Variants in GRID2 observed in about 807,000 individuals in gnomAD.
GRID2 encodes glutamate receptor ionotropic, delta-2.
In GRID2, 33 loss-of-function variants were observed where a neutral mutation model predicts 114.8. The ratio of observed to expected loss-of-function variants is 0.29; its 90% CI spans 0.22 to 0.38. GRID2 has a LOEUF of 0.38. GRID2 is among the 10% of genes least tolerant of loss of function. The pLI is 1.00. For synonymous variants in GRID2, 505 were observed against 449.9 expected, an observed-to-expected ratio of 1.12 and a Z score of -1.55; for missense variants, 1,184 against 1,257.7, an observed-to-expected ratio of 0.94 and a Z score of 0.89.
chr4:92,504,869 A>G (rs963088640), intron 1 of GRID2, among the ~76,000 whole-genome samples: 1 of 152,088 alleles, frequency 6.6e-6, no homozygotes, highest in African/African-American at 2.4e-5. Flanking sequence ...GTGCATCTAC[A>G]TGAGCCAATA....
At chr4:92,634,971 A>G (rs1730999572) in intron 2 of GRID2, among the ~76,000 whole-genome samples, 2 of 151,950 alleles carry the variant, frequency 1.3e-5, no homozygotes, top group African/African-American at 2.4e-5. Context: ...GCTTTCCCCA[A>G]ACTGCATTGC....
At chr4:92,763,676 G>A (rs956860832) in intron 2 of GRID2, among the ~76,000 whole-genome samples, 4 of 152,154 alleles carry the variant, frequency 2.6e-5, no homozygotes, top group African/African-American at 9.7e-5. Context: ...GATGATCATA[G>A]AATGCACTTT....
In GRID2 at chr4:93,139,464, G is replaced by C; in HGVS notation, c.735+28511G>C. 1.3e-5 allele frequency among the ~76,000 whole-genome samples: 2 copies of C among 152,162 alleles called. 1 individual carries two copies. The highest frequency in any genetic ancestry group is 3.9e-4 in the East Asian group (2 of 5,186). On this transcript the variant is annotated intron_variant, in intron 4 of 15. Coordinates refer to ENST00000282020, the MANE Select transcript of GRID2 (RefSeq NM_001510.4). ...GGGGGATGATGGAGGTAGATCTGGA[G>C]AGCTAATAGAAAGTTTCCTAAAACA... is the stretch of plus-strand genomic sequence containing the variant.
At chr4:93,440,598 A>C (rs746545473) in intron 10 of GRID2, among the ~76,000 whole-genome samples, 2 of 152,134 alleles carry the variant, frequency 1.3e-5, no homozygotes, top group Admixed American at 6.6e-5. Flanking sequence ...TAAAATATAG[A>C]TATGGGAGAT....
At chr4:93,676,700 A>G (rs1724889895) in intron 14 of GRID2, among the ~76,000 whole-genome samples, 1 of 151,294 alleles carries the variant, frequency 6.6e-6, no homozygotes, top group African/African-American at 2.4e-5. Context: ...TTGTGCACAT[A>G]TACCCTAAAA....
chr4:92,555,633 G>A (rs1222822584), intron 1 of GRID2, among the ~76,000 whole-genome samples: 1 of 152,036 alleles, frequency 6.6e-6, no homozygotes, highest in Admixed American at 6.6e-5. Flanking sequence ...GCATGTTCTC[G>A]AGGCTTTTTA....
In GRID2 at chr4:93,307,031, A is replaced by G. The variant is rs368342961; in HGVS notation, c.1245+68541A>G. Reference sequence around the variant, plus strand: ...GCCAACATGATGAAAGCCCGTCTCTACTAAAAATACAAAAATTAGCTGGGC... The same window carrying G: ...GCCAACATGATGAAAGCCCGTCTCTGCTAAAAATACAAAAATTAGCTGGGC... On this transcript the variant is annotated intron_variant, in intron 8 of 15. Transcript: ENST00000282020. Among the ~76,000 whole-genome samples, 183 of 152,112 alleles carry G rather than the reference A, an allele frequency of 1.2e-3. 3 individuals carry two copies. The highest frequency in any genetic ancestry group is 4.4e-3 in the African/African-American group (181 of 41,508).
intron 1 of GRID2, among the ~76,000 whole-genome samples, chr4:92,400,814 A>G (rs1035381456): frequency 6.6e-6 from 1 of 152,122 alleles, no homozygotes; most frequent in Non-Finnish European, 1.5e-5. Context: ...GTGGTGTCCA[A>G]TTGAAGTTTT....
intron 3 of GRID2, among the ~76,000 whole-genome samples, chr4:93,086,322 A>G (rs1730323009): frequency 6.6e-6 from 1 of 152,220 alleles, no homozygotes; most frequent in African/African-American, 2.4e-5. Flanking sequence ...ATCTTAAAAA[A>G]TGCTTTCTTG....
chr4:92,709,584 AAAAAAAT>A (rs1398384377), intron 2 of GRID2, among the ~76,000 whole-genome samples: 7 of 131,010 alleles, frequency 5.3e-5, no homozygotes, highest in South Asian at 2.6e-4. Flanking sequence ...AAAAAAAAAA[AAAAAAAT>A]ATATATATAT....
intron 2 of GRID2, among the ~76,000 whole-genome samples, chr4:92,649,258 T>G (rs751188812): frequency 5.4e-5 from 8 of 147,588 alleles, no homozygotes; most frequent in Non-Finnish European, 1.2e-4. Flanking sequence ...TTACCATCTA[T>G]AAGCTATAAA....
chr4:92,653,850 G>T (rs993025051), intron 2 of GRID2, among the ~76,000 whole-genome samples: 1 of 152,078 alleles, frequency 6.6e-6, no homozygotes, highest in African/African-American at 2.4e-5. Context: ...ATATATTTGT[G>T]ACATCTTATG....
intron 1 of GRID2, among the ~76,000 whole-genome samples, chr4:92,379,854 A>G (rs1048500701): frequency 1.3e-5 from 2 of 151,936 alleles, no homozygotes; most frequent in Non-Finnish European, 2.9e-5. Context: ...TCATTTATTC[A>G]GTGTCTTTTA....
chr4:92,827,539 C>T (rs1424506097), intron 2 of GRID2, among the ~76,000 whole-genome samples: 1 of 152,094 alleles, frequency 6.6e-6, no homozygotes, highest in South Asian at 2.1e-4. Context: ...AGTATCTTCA[C>T]ACTACTGGGT....
At chr4:93,686,220 A>G (rs1054205018) in intron 14 of GRID2, among the ~76,000 whole-genome samples, 1 of 151,652 alleles carries the variant, frequency 6.6e-6, no homozygotes, top group African/African-American at 2.4e-5. Flanking sequence ...TTTGAGTCAC[A>G]CTCACCTTCT....
chr4:93,347,078 C>T (rs1465283076), intron 8 of GRID2, among the ~76,000 whole-genome samples: 6 of 152,070 alleles, frequency 3.9e-5, no homozygotes, highest in Non-Finnish European at 8.8e-5. Flanking sequence ...TGGAGTGGAA[C>T]TGGCTTTGCA....
intron 8 of GRID2, among the ~76,000 whole-genome samples, chr4:93,274,654 T>C (rs1409456278): frequency 6.6e-6 from 1 of 152,196 alleles, no homozygotes; most frequent in African/African-American, 2.4e-5. Flanking sequence ...CTTTCTTCCA[T>C]GTACCAGTAG....
intron 2 of GRID2, among the ~76,000 whole-genome samples, chr4:92,966,346 G>A (rs1753155756): frequency 6.6e-6 from 1 of 151,900 alleles, no homozygotes; most frequent in Admixed American, 6.6e-5. Flanking sequence ...GGCCAAAAAG[G>A]ATAAGGTGGA....
intron 1 of GRID2, among the ~76,000 whole-genome samples, chr4:92,441,874 T>G (rs1234083226): frequency 6.6e-6 from 1 of 151,724 alleles, no homozygotes; most frequent in Non-Finnish European, 1.5e-5. Flanking sequence ...AGGGAGGCAA[T>G]GAGATACAGC....
Sources: gnomAD v4.1 joint callset for allele counts (sites outside exome capture counted in the v4.1 genomes callset) on GRCh38, gnomAD v4.1.1 for gene constraint, MANE v1.5 for transcripts, NCBI Gene and HGNC (gene_info 2026-07-23, HGNC 2026-07-21) for gene names.